Variants in RHBDD1 observed in about 807,000 individuals in gnomAD.
RHBDD1 encodes the protein rhomboid-related protein 4.
In RHBDD1, 38 loss-of-function variants were observed where a neutral mutation model predicts 36.3. The ratio of observed to expected loss-of-function variants is 1.05; its 90% CI spans 0.81 to 1.37. The LOEUF (loss-of-function observed/expected upper bound fraction) is 1.37, where lower values mean the gene tolerates loss of function less well. Among genes scored for constraint, RHBDD1 ranks in the 40% most tolerant of loss-of-function variants. RHBDD1 has a pLI of 0.00. For missense variants in RHBDD1, 393 were observed against 377.6 expected, an observed-to-expected ratio of 1.04 and a Z score of -0.34; for synonymous variants, 151 against 136.5, an observed-to-expected ratio of 1.11 and a Z score of -0.74.
In RHBDD1 at chr2:226,995,503, A is replaced by G; in HGVS notation, c.929A>G (p.His310Arg). ...GAAGAAATGAGGAGACAGCGGCTTC[A>G]CAGATTCGATAGCCAGTGAGGTGGC... Reference protein sequence around the residue: ...SPEEMRRQRLHRFDSQ With the variant: ...SPEEMRRQRLRRFDSQ The change falls in exon 9 of 9, where the codon CAC (histidine) becomes CGC (arginine). Residue 310 changes from histidine (H) to arginine (R), a missense_variant. Transcript: ENST00000392062. 6.2e-7 allele frequency: 1 copy of G among 1,611,758 alleles called. No homozygotes were observed. Among genetic ancestry groups the G allele is most frequent in the Non-Finnish European group, 8.5e-7 (1 of 1,178,698 alleles).
chr2:226,882,312 C>T (rs1945812772), intron 5 of RHBDD1, among the ~76,000 whole-genome samples: 1 of 151,484 alleles, frequency 6.6e-6, no homozygotes, highest in South Asian at 2.1e-4. Context: ...CACCTGTAAT[C>T]CCAGCTACTC....
intron 8 of RHBDD1, among the ~76,000 whole-genome samples, chr2:226,974,114 A>G (rs1042956860): frequency 6.6e-6 from 1 of 152,154 alleles, no homozygotes; most frequent in African/African-American, 2.4e-5. Context: ...TCGGTGTAAC[A>G]CTTCAAAGAA....
intron 5 of RHBDD1, among the ~76,000 whole-genome samples, chr2:226,885,020 G>A (rs1245768759): frequency 6.6e-6 from 1 of 152,156 alleles, no homozygotes; most frequent in Non-Finnish European, 1.5e-5. Flanking sequence ...ATTGGCAAAG[G>A]CTATCAATAA....
intron 5 of RHBDD1, among the ~76,000 whole-genome samples, chr2:226,870,461 C>T (rs1475662802): frequency 6.6e-6 from 1 of 152,036 alleles, no homozygotes; most frequent in Non-Finnish European, 1.5e-5. Flanking sequence ...TGACTTTTTT[C>T]GTCCTGAATG....
chr2:226,941,693 T>C (rs1400796352), intron 8 of RHBDD1, among the ~76,000 whole-genome samples: 1 of 152,146 alleles, frequency 6.6e-6, no homozygotes, highest in African/African-American at 2.4e-5. Flanking sequence ...TTATACACTA[T>C]GGAAAATACA....
At chr2:226,961,261 C>G (rs957221362) in intron 8 of RHBDD1, among the ~76,000 whole-genome samples, 25 of 152,120 alleles carry the variant, frequency 1.6e-4, no homozygotes, top group African/African-American at 5.8e-4. Flanking sequence ...TATATTATAC[C>G]CTCCTCGTGG....
intron 5 of RHBDD1, among the ~76,000 whole-genome samples, chr2:226,885,590 A>G (rs1209746516): frequency 6.6e-6 from 1 of 152,210 alleles, no homozygotes; most frequent in Non-Finnish European, 1.5e-5. Context: ...AGTTTTTTTC[A>G]AAGTAAAAAT....
chr2:226,824,911 G>A, the RHBDD1 span, among the ~76,000 whole-genome samples: 45 of 152,238 alleles, frequency 3.0e-4, no homozygotes, highest in African/African-American at 9.1e-4. Context: ...ATACATGTGC[G>A]CAAAGGAGGT....
At chr2:226,974,637 A>T (rs1434119327) in intron 8 of RHBDD1, among the ~76,000 whole-genome samples, 1 of 152,174 alleles carries the variant, frequency 6.6e-6, no homozygotes, top group Non-Finnish European at 1.5e-5. Flanking sequence ...TAGTTATTAC[A>T]TTCTTCTGGT....
intron 8 of RHBDD1, chr2:226,988,310 T>G: frequency 6.5e-7 from 1 of 1,546,358 alleles, no homozygotes; most frequent in African/African-American, 1.4e-5. Context: ...CCTTCCACTG[T>G]GCCCCACCTG....
chr2:226,875,996 G>A (rs1001559526), intron 5 of RHBDD1, among the ~76,000 whole-genome samples: 2 of 152,186 alleles, frequency 1.3e-5, no homozygotes, highest in Non-Finnish European at 2.9e-5. Context: ...CTTGACAATA[G>A]CACCCTTTTG....
the RHBDD1 span, among the ~76,000 whole-genome samples, chr2:226,817,686 A>G: frequency 6.6e-6 from 1 of 152,242 alleles, no homozygotes; most frequent in Non-Finnish European, 1.5e-5. Flanking sequence ...GGAAGATAAT[A>G]GAAGTTAAGG....
chr2:226,856,163 T>A (rs1943299590), intron 3 of RHBDD1, among the ~76,000 whole-genome samples: 2 of 152,216 alleles, frequency 1.3e-5, no homozygotes, highest in Admixed American at 1.3e-4. Flanking sequence ...AGCCATACTA[T>A]CTGCTATTAT....
At chr2:226,812,458 A>G in the RHBDD1 span, among the ~76,000 whole-genome samples, 14 of 152,382 alleles carry the variant, frequency 9.2e-5, no homozygotes, top group East Asian at 2.7e-3. Flanking sequence ...TCTCATAGAA[A>G]ATGTCGAAAC....
the RHBDD1 span, among the ~76,000 whole-genome samples, chr2:226,827,529 C>T: frequency 5.3e-5 from 8 of 152,168 alleles, no homozygotes; most frequent in Non-Finnish European, 4.4e-5. Context: ...CTCACTTCGC[C>T]TTTTTGTTTT....
intron 5 of RHBDD1, among the ~76,000 whole-genome samples, chr2:226,870,661 A>G (rs1372382180): frequency 6.6e-6 from 1 of 152,214 alleles, no homozygotes; most frequent in East Asian, 1.9e-4. Context: ...ATAGCCTACT[A>G]TTGACTGAAA....
intron 8 of RHBDD1, among the ~76,000 whole-genome samples, chr2:226,966,029 T>C (rs1466610022): frequency 2.0e-5 from 3 of 152,162 alleles, no homozygotes; most frequent in African/African-American, 7.2e-5. Flanking sequence ...TAATTTACCA[T>C]GATCAAGTAG....
intron 7 of RHBDD1, among the ~76,000 whole-genome samples, chr2:226,912,789 A>ATGG (rs1948612037): frequency 6.6e-6 from 1 of 152,092 alleles, no homozygotes; most frequent in Admixed American, 6.6e-5. Flanking sequence ...TGTGGTAATG[A>ATGG]TGGTGCAACT....
intron 3 of RHBDD1, among the ~76,000 whole-genome samples, chr2:226,847,161 C>T (rs1016126542): frequency 6.6e-6 from 1 of 152,206 alleles, no homozygotes; most frequent in African/African-American, 2.4e-5. Context: ...GAAATTTGCA[C>T]TTCTGCTCAA....
Sources: gnomAD v4.1 joint callset for allele counts (sites outside exome capture counted in the v4.1 genomes callset) on GRCh38, gnomAD v4.1.1 for gene constraint, MANE v1.5 for transcripts, NCBI Gene and HGNC (gene_info 2026-07-23, HGNC 2026-07-21) for gene names.